MFSD6: variants seen among roughly 807,000 people sequenced by gnomAD.
The protein encoded by MFSD6 is major facilitator superfamily domain containing 6.
In MFSD6, 26 loss-of-function variants were observed where a neutral mutation model predicts 56.3. The ratio of observed to expected loss-of-function variants is 0.46; its 90% CI spans 0.34 to 0.64. MFSD6 has a LOEUF of 0.64. MFSD6 is among the 30% of genes least tolerant of loss of function. The pLI is 0.01. For synonymous variants in MFSD6, 331 were observed against 366.9 expected (o/e 0.90, Z 1.12); for missense variants, 750 against 986.2 (o/e 0.76, Z 3.21).
rs981102679 is a variant in MFSD6 at position 190,487,295 on chromosome 2, C to T, written c.1631-1362C>T. ...AGCAGAGGTTGCAGTGAGCTGAGGT[C>T]GTGCCACTGCACTCCAGCCTGGTGA... On this transcript the variant is annotated intron_variant, in intron 4 of 7. Coordinates refer to ENST00000392328, the MANE Select transcript of MFSD6 (RefSeq NM_017694.4). The surrounding 1 kb of genome is among the most constrained non-coding windows in gnomAD (Gnocchi z 5.5). Among the ~76,000 whole-genome samples, 2 of 152,268 alleles carry T rather than the reference C, an allele frequency of 1.3e-5. No individual in the cohort carries two copies. The highest frequency in any genetic ancestry group is 4.8e-5 in the African/African-American group (2 of 41,542).
chr2:190,486,455 C>T (rs1268549308), intron 4 of MFSD6, among the ~76,000 whole-genome samples: 2 of 152,222 alleles, frequency 1.3e-5, no homozygotes, highest in African/African-American at 2.4e-5. Flanking sequence ...CCTTGGCTCC[C>T]TAGACTCTTG....
chr2:190,409,245 A>T (rs557323621), intron 1 of MFSD6, among the ~76,000 whole-genome samples: 1 of 152,252 alleles, frequency 6.6e-6, no homozygotes, highest in South Asian at 2.1e-4. Flanking sequence ...CTGCAAATTT[A>T]GGTAAGATGG....
intron 4 of MFSD6, among the ~76,000 whole-genome samples, chr2:190,482,414 T>A (rs914817402): frequency 2.0e-5 from 3 of 151,828 alleles, no homozygotes; most frequent in Non-Finnish European, 4.4e-5. Context: ...TTTTTTTTTT[T>A]AATCCCAGAA....
In MFSD6 at chr2:190,496,238, A is replaced by G. The variant is rs367618873; in HGVS notation, c.1892-1201A>G. 3.3e-5 allele frequency among the ~76,000 whole-genome samples: 5 copies of G among 152,220 alleles called. No homozygotes were observed. The highest frequency in any genetic ancestry group is 9.6e-5 in the African/African-American group (4 of 41,464). ...GCCAACAAACATGAAACAATGGTCA[A>G]CATCACTAGTGATCAGGGAAATGCA... is the stretch of plus-strand genomic sequence containing the variant. On this transcript the variant is annotated intron_variant, in intron 6 of 7. Transcript: ENST00000392328. The surrounding 1 kb of genome is among the most constrained non-coding windows in gnomAD (Gnocchi z 4.7).
intron 4 of MFSD6, among the ~76,000 whole-genome samples, chr2:190,475,599 A>G (rs1458116212): frequency 6.6e-6 from 1 of 152,128 alleles, no homozygotes; most frequent in Non-Finnish European, 1.5e-5. Context: ...ATGCTCATGG[A>G]TAGGAAGAAT....
At position 190,443,546 on chromosome 2, in the gene MFSD6, A is replaced by G. The variant is rs1356106692; in HGVS notation, c.1532+5985A>G. ...GTTGACAGTACAATATCAGAAGTGT[A>G]CAGATGATTAAACCTGCAAAGTCAA... On this transcript the variant is annotated intron_variant, in intron 3 of 7. Coordinates refer to ENST00000392328, the MANE Select transcript of MFSD6 (RefSeq NM_017694.4). This position sits in a 1 kb window ranked among gnomAD's most constrained non-coding sequence, Gnocchi z 4.2. Among the ~76,000 whole-genome samples, 1 of 152,234 alleles carries G rather than the reference A, an allele frequency of 6.6e-6. No individual in the cohort carries two copies. Among genetic ancestry groups the G allele is most frequent in the Non-Finnish European group, 1.5e-5 (1 of 68,040 alleles).
At chr2:190,466,657 C>T (rs1397835384) in intron 3 of MFSD6, among the ~76,000 whole-genome samples, 1 of 152,166 alleles carries the variant, frequency 6.6e-6, no homozygotes, top group African/African-American at 2.4e-5. Context: ...CTACAGAATA[C>T]ATGTTTTTAT....
intron 3 of MFSD6, among the ~76,000 whole-genome samples, chr2:190,453,693 C>G (rs542011571): frequency 1.6e-4 from 24 of 152,308 alleles, no homozygotes; most frequent in African/African-American, 5.5e-4. Flanking sequence ...TCACTGAAAA[C>G]TCAAGGGCTT....
chr2:190,497,106 C>T lies in MFSD6; in HGVS notation c.1892-333C>T, dbSNP rs150490028. Among the ~76,000 whole-genome samples the T allele has an allele frequency of 3.9e-5, 6 of 152,232 alleles. No homozygotes were observed. The highest frequency in any genetic ancestry group is 2.1e-4 in the South Asian group (1 of 4,812). The stretch of plus-strand genomic sequence containing the variant: ...TATCACGTGGCTTTTCCTGTTTTGA[C>T]GTCTTTTTAATCATAATCCTGTAAA... On this transcript the variant is annotated intron_variant, in intron 6 of 7. Transcript: ENST00000392328. The surrounding 1 kb of genome is among the most constrained non-coding windows in gnomAD (Gnocchi z 5.2).
Position 190,447,866 on chromosome 2 carries a change from A to G in MFSD6, c.1532+10305A>G, listed in dbSNP as rs1419404063. Reference sequence around the variant, plus strand: ...GTTTTTATCATCCCTTGAAAAGAACATCTTTGCAAAGAAATATCTTACCAT... The same window carrying G: ...GTTTTTATCATCCCTTGAAAAGAACGTCTTTGCAAAGAAATATCTTACCAT... On this transcript the variant is annotated intron_variant, in intron 3 of 7. Transcript: ENST00000392328. The surrounding 1 kb of genome is among the most constrained non-coding windows in gnomAD (Gnocchi z 4.5). 1.3e-5 allele frequency among the ~76,000 whole-genome samples: 2 copies of G among 152,376 alleles called. No individual in the cohort carries two copies. The highest frequency in any genetic ancestry group is 6.5e-5 in the Admixed American group (1 of 15,302).
chr2:190,488,512 A>G lies in MFSD6; in HGVS notation c.1631-145A>G, dbSNP rs974860956. 1 of 758,872 alleles carries G rather than the reference A, an allele frequency of 1.3e-6. No homozygotes were observed. The highest frequency in any genetic ancestry group is 1.9e-6 in the Non-Finnish European group (1 of 519,000). 47.0% of individuals were successfully genotyped at this position (758,872 alleles called of 1,614,324 possible). The stretch of plus-strand genomic sequence containing the variant: ...CAGTGCCACTGAACCGTACATTTAA[A>G]AATGTGAAAATGGTAAATTTTTAAT... On this transcript the variant is annotated intron_variant, in intron 4 of 7. Transcript: ENST00000392328. This position sits in a 1 kb window ranked among gnomAD's most constrained non-coding sequence, Gnocchi z 6.4.
chr2:190,437,912 G>C lies in MFSD6; in HGVS notation c.1532+351G>C, dbSNP rs572756368. On this transcript the variant is annotated intron_variant, in intron 3 of 7. Coordinates refer to ENST00000392328, the MANE Select transcript of MFSD6 (RefSeq NM_017694.4). This position sits in a 1 kb window ranked among gnomAD's most constrained non-coding sequence, Gnocchi z 5.9. ...ATATTATTCCATGGAGGGTCCACCTGTCCTAGGCATTTATGAACCAGAGCT... is the reference window on the plus strand; with the variant it reads ...ATATTATTCCATGGAGGGTCCACCTCTCCTAGGCATTTATGAACCAGAGCT... Among the ~76,000 whole-genome samples the C allele has an allele frequency of 6.6e-6, 1 of 152,262 alleles. No homozygotes were observed. Among genetic ancestry groups the C allele is most frequent in the East Asian group, 1.9e-4 (1 of 5,174 alleles).
chr2:190,408,844 A>G (rs1026968949), intron 1 of MFSD6, among the ~76,000 whole-genome samples: 21 of 152,252 alleles, frequency 1.4e-4, no homozygotes, highest in African/African-American at 4.8e-4. Context: ...GGCGCTGCCC[A>G]GGGAGCCCTC....
rs1157145524 is a variant in MFSD6 at position 190,430,348 on chromosome 2, T to C, written c.-53-5629T>C. Among the ~76,000 whole-genome samples the C allele has an allele frequency of 2.6e-5, 4 of 151,312 alleles. No homozygotes were observed. The East Asian group carries it at 7.8e-4, about 29-fold the overall frequency. On this transcript the variant is annotated intron_variant, in intron 2 of 7. Transcript: ENST00000392328. ...TCTGGTTTTCCTAGGCAGAGGACCC[T>C]GCGGCCTTCCGCAGTGTTTGTGTCC... is the stretch of plus-strand genomic sequence containing the variant.
intron 1 of MFSD6, among the ~76,000 whole-genome samples, chr2:190,414,609 A>G (rs942825524): frequency 1.3e-5 from 2 of 152,246 alleles, no homozygotes; most frequent in Non-Finnish European, 2.9e-5. Context: ...AGCACAAGGC[A>G]TTAGATGAAT....
Position 190,499,766 on chromosome 2 carries a change from T to C in MFSD6, c.2173-249T>C. On this transcript the variant is annotated intron_variant, in intron 7 of 7. Coordinates refer to ENST00000392328, the MANE Select transcript of MFSD6 (RefSeq NM_017694.4). The surrounding 1 kb of genome is among the most constrained non-coding windows in gnomAD (Gnocchi z 6.0). ...CAAGTACTAACAGACATTTTGGTAG[T>C]AATGTTCCTTTTTCCACAAGACACG... 1 of 1,433,704 alleles carries C rather than the reference T, an allele frequency of 7.0e-7. No homozygotes were observed. Among genetic ancestry groups the C allele is most frequent in the South Asian group, 1.2e-5 (1 of 81,116 alleles). The allele number at this position is 1,433,704 out of a possible 1,614,324, so 88.8% of individuals were successfully genotyped here.
At position 190,413,696 on chromosome 2, in the gene MFSD6, C is replaced by G. The variant is rs1407612447; in HGVS notation, c.-175-1596C>G. 1.3e-5 allele frequency among the ~76,000 whole-genome samples: 2 copies of G among 152,154 alleles called. No homozygotes were observed. The highest frequency in any genetic ancestry group is 2.9e-5 in the Non-Finnish European group (2 of 68,030). On this transcript the variant is annotated intron_variant, in intron 1 of 7. Coordinates refer to ENST00000392328, the MANE Select transcript of MFSD6 (RefSeq NM_017694.4). The surrounding 1 kb of genome is among the most constrained non-coding windows in gnomAD (Gnocchi z 4.1). The stretch of plus-strand genomic sequence containing the variant: ...GTGCCAAAGGAAAGTGAGTGGCGAG[C>G]CTGGACTGGTAGTTAGCAGTCTGTG...
chr2:190,483,237 TAAC>T (rs1270744169), intron 4 of MFSD6, among the ~76,000 whole-genome samples: 1 of 152,110 alleles, frequency 6.6e-6, no homozygotes, highest in African/African-American at 2.4e-5. Flanking sequence ...TGTTTGATAT[TAAC>T]AACAAAATCT....
rs1686186502 is a variant in MFSD6 at position 190,436,660 on chromosome 2, A to G, written c.631A>G (p.Thr211Ala). ...LLETRLNVSDTVTLPTAPNMN... is the reference protein window; with the variant it reads ...LLETRLNVSDAVTLPTAPNMN... ...GGAAACAAGGCTCAATGTCTCAGAC[A>G]CCGTTACTTTGCCAACAGCTCCAAA... The change falls in exon 3 of 8, where the codon ACC becomes GCC. Residue 211 changes from threonine (T) to alanine (A), a missense_variant. Around this residue, in one of 5 missense-constraint regions of MFSD6, gnomAD observed 376 missense variants for 437.9 expected, o/e 0.86. Coordinates refer to ENST00000392328, the MANE Select transcript of MFSD6 (RefSeq NM_017694.4). This position sits in a 1 kb window ranked among gnomAD's most constrained non-coding sequence, Gnocchi z 5.3. 2 of 1,614,098 alleles carry G rather than the reference A, an allele frequency of 1.2e-6. No homozygotes were observed. Among genetic ancestry groups the G allele is most frequent in the African/African-American group, 2.7e-5 (2 of 74,924 alleles).
Sources: gnomAD v4.1 joint callset for allele counts (sites outside exome capture counted in the v4.1 genomes callset) on GRCh38, gnomAD v4.1.1 for gene constraint, gnomAD v4.1.1 regional missense constraint, Gnocchi (gnomAD v3.1) non-coding constraint, MANE v1.5 for transcripts, NCBI Gene and HGNC (gene_info 2026-07-23, HGNC 2026-07-21) for gene names.